PDE3B: variants seen among roughly 807,000 people sequenced by gnomAD.
The protein encoded by PDE3B is cGMP-inhibited 3',5'-cyclic phosphodiesterase 3B.
In PDE3B, 66 loss-of-function variants were observed where a neutral mutation model predicts 116.8. That is an observed-to-expected ratio of 0.56 (90% CI 0.46 to 0.69). The LOEUF (loss-of-function observed/expected upper bound fraction) is 0.69. PDE3B is among the 30% of genes least tolerant of loss of function. The pLI is 0.00. For synonymous variants in PDE3B, 595 were observed against 533.6 expected, an observed-to-expected ratio of 1.12 and a Z score of -1.59; for missense variants, 1,384 against 1,368.1, an observed-to-expected ratio of 1.01 and a Z score of -0.18.
intron 1 of PDE3B, among the ~76,000 whole-genome samples, chr11:14,713,935 G>T (rs1451646593): frequency 2.0e-5 from 3 of 152,144 alleles, no homozygotes; most frequent in Non-Finnish European, 4.4e-5. Context: ...GTATAATTTG[G>T]CTAGAGTTCA....
intron 1 of PDE3B, among the ~76,000 whole-genome samples, chr11:14,666,299 C>G (rs1472026641): frequency 6.7e-6 from 1 of 150,032 alleles, no homozygotes; most frequent in Admixed American, 6.6e-5. Flanking sequence ...GGATTAAAGA[C>G]TTAAACGTTA....
At chr11:14,687,051 G>T (rs1268203521) in intron 1 of PDE3B, among the ~76,000 whole-genome samples, 1 of 152,008 alleles carries the variant, frequency 6.6e-6, no homozygotes, top group Admixed American at 6.6e-5. Context: ...AAAAATGCAG[G>T]TGTATTATGT....
At chr11:14,804,505 C>A (rs1858862067) in intron 5 of PDE3B, among the ~76,000 whole-genome samples, 1 of 151,580 alleles carries the variant, frequency 6.6e-6, no homozygotes. Context: ...CTCTTGGATG[C>A]AAGATATTTT....
chr11:14,825,433 G>C (rs1259516488), intron 7 of PDE3B, among the ~76,000 whole-genome samples: 2 of 152,124 alleles, frequency 1.3e-5, no homozygotes, highest in Non-Finnish European at 2.9e-5. Flanking sequence ...TCAAAACAAA[G>C]GGATGGAGGA....
chr11:14,701,658 G>A (rs547312146), intron 1 of PDE3B, among the ~76,000 whole-genome samples: 1 of 151,692 alleles, frequency 6.6e-6, no homozygotes, highest in South Asian at 2.1e-4. Context: ...TGAAGAGTTA[G>A]CTCTTTTATT....
intron 1 of PDE3B, among the ~76,000 whole-genome samples, chr11:14,759,340 A>G (rs902303734): frequency 1.3e-5 from 2 of 152,162 alleles, no homozygotes; most frequent in African/African-American, 4.8e-5. Flanking sequence ...TTTCAGAAGG[A>G]ATGGTACCAG....
chr11:14,867,775 A>G lies in PDE3B; in HGVS notation c.3139+17A>G, dbSNP rs1848075334. 6.3e-7 allele frequency: 1 copy of G among 1,580,774 alleles called. No individual in the cohort carries two copies. The highest frequency in any genetic ancestry group is 1.7e-5 in the Admixed American group (1 of 59,156). On this transcript the variant is annotated intron_variant, in intron 15 of 15. Coordinates refer to ENST00000282096, the MANE Select transcript of PDE3B (RefSeq NM_000922.4). The stretch of plus-strand genomic sequence containing the variant: ...TAAATCCAAGTAAGAATATAGGGAC[A>G]TTATAATTTATTTAATGTTATAGGT...
At chr11:14,753,839 T>C (rs906386668) in intron 1 of PDE3B, among the ~76,000 whole-genome samples, 14 of 152,090 alleles carry the variant, frequency 9.2e-5, no homozygotes, top group African/African-American at 3.4e-4. Flanking sequence ...CTCCACTTGA[T>C]GTTAGATGAT....
rs369837255 is a variant in PDE3B, at chr11:14,644,805, C to G, written c.730C>G (p.Leu244Val). 9.3e-6 allele frequency: 15 copies of G among 1,611,266 alleles called. No homozygotes were observed. The highest frequency in any genetic ancestry group is 1.3e-5 in the Non-Finnish European group (15 of 1,178,646). ...CAGCCTCGGGTCGCTGCCCTCCGCC[C>G]TCAGGCCGCTGCTCTCCGGCCTGGT... ...FTSLGSLPSA[L>V]RPLLSGLVGG... The change falls in exon 1 of 16, where the codon CTC (leucine) becomes GTC (valine). Residue 244 changes from leucine (L) to valine (V), a missense_variant. Transcript: ENST00000282096.
At chr11:14,807,172 C>G (rs1358905761) in intron 5 of PDE3B, among the ~76,000 whole-genome samples, 1 of 152,058 alleles carries the variant, frequency 6.6e-6, no homozygotes, top group East Asian at 1.9e-4. Context: ...CGAGTTGATG[C>G]ATGCAGCAAA....
intron 1 of PDE3B, among the ~76,000 whole-genome samples, chr11:14,761,760 C>T (rs1440977379): frequency 2.0e-5 from 3 of 151,998 alleles, no homozygotes; most frequent in African/African-American, 7.2e-5. Context: ...ATTACCATGA[C>T]AAAACTTATT....
At chr11:14,674,251 T>TG in intron 1 of PDE3B, 3 of 1,172,334 alleles carry the variant, frequency 2.6e-6, no homozygotes, top group Non-Finnish European at 3.8e-6. Flanking sequence ...ATTTTTCTGT[T>TG]GGAGACCAGA....
Position 14,818,409 on chromosome 11 carries a change from GT to G in PDE3B, c.1733+19del. ...TGTGTAACAGGTAAGTTTCCCAACT[GT>G]TTATTATTTCTGTTTCAAAATGTTG... On this transcript the variant is annotated intron_variant, in intron 6 of 15. Transcript: ENST00000282096. The G allele has an allele frequency of 6.5e-7, 1 of 1,536,236 alleles. No individual in the cohort carries two copies. The highest frequency in any genetic ancestry group is 9.0e-7 in the Non-Finnish European group (1 of 1,109,660).
chr11:14,790,306 T>C (rs1858343048), intron 4 of PDE3B, among the ~76,000 whole-genome samples: 1 of 151,436 alleles, frequency 6.6e-6, no homozygotes, highest in Admixed American at 6.6e-5. Context: ...GGTCCAAAAT[T>C]TGCCATGGCC....
chr11:14,779,856 TAA>T (rs1017009172), intron 2 of PDE3B, among the ~76,000 whole-genome samples: 27 of 152,152 alleles, frequency 1.8e-4, no homozygotes, highest in African/African-American at 6.3e-4. Flanking sequence ...ATGCTCCAAT[TAA>T]AAGACACAGA....
the PDE3B span, chr11:14,891,827 G>T: frequency 1.0e-6 from 1 of 968,488 alleles, no homozygotes; most frequent in African/African-American, 1.8e-5. Flanking sequence ...CTCCCTTCCA[G>T]ACCCGGGAAG....
intron 4 of PDE3B, among the ~76,000 whole-genome samples, chr11:14,789,836 G>A (rs1426348377): frequency 6.6e-6 from 1 of 151,902 alleles, no homozygotes; most frequent in Non-Finnish European, 1.5e-5. Flanking sequence ...GAAATCTCCC[G>A]AATGTAAATA....
At chr11:14,656,052 G>A (rs1378413245) in intron 1 of PDE3B, among the ~76,000 whole-genome samples, 2 of 152,154 alleles carry the variant, frequency 1.3e-5, no homozygotes, top group East Asian at 3.8e-4. Flanking sequence ...AATATTGGGA[G>A]CAGGGAGCCC....
At chr11:14,763,576 AATG>A (rs1002579672) in intron 1 of PDE3B, among the ~76,000 whole-genome samples, 4 of 152,138 alleles carry the variant, frequency 2.6e-5, no homozygotes, top group East Asian at 3.9e-4. Flanking sequence ...GTAGAGAAAA[AATG>A]ATGATGAGAG....
Sources: gnomAD v4.1 joint callset for allele counts (sites outside exome capture counted in the v4.1 genomes callset) on GRCh38, gnomAD v4.1.1 for gene constraint, MANE v1.5 for transcripts, NCBI Gene and HGNC (gene_info 2026-07-23, HGNC 2026-07-21) for gene names.